The following COL25A1 variants were observed in gnomAD, a reference collection of about 807,000 sequenced individuals.
COL25A1 encodes the protein collagen type XXV alpha 1 chain, also known as collagen alpha-1(XXV) chain.
In COL25A1, 103 loss-of-function variants were observed where a neutral mutation model predicts 128.4. That is an observed-to-expected ratio of 0.80 (90% CI 0.68 to 0.94). COL25A1 has a LOEUF of 0.94. Among genes scored for constraint, COL25A1 ranks in the 40% least tolerant of loss-of-function variants. The probability of loss-of-function intolerance (pLI) is 0.00; values close to 1 mark genes in which losing one functional copy is unlikely to be tolerated. For missense variants in COL25A1, 745 were observed against 840.0 expected (o/e 0.89, Z 1.40); for synonymous variants, 279 against 277.2 (o/e 1.01, Z -0.06).
At chr4:109,032,186 T>C (rs990702190) in intron 5 of COL25A1, among the ~76,000 whole-genome samples, 1 of 152,044 alleles carries the variant, frequency 6.6e-6, no homozygotes. Context: ...CACTAGTAAA[T>C]GGAAATACTG....
intron 37 of COL25A1, among the ~76,000 whole-genome samples, chr4:108,816,435 G>A (rs114096894): frequency 6.6e-6 from 1 of 152,144 alleles, no homozygotes; most frequent in Non-Finnish European, 1.5e-5. Context: ...ATTTCAAAAT[G>A]ATTGAAGCAT....
At chr4:109,181,142 A>G (rs1774592474) in intron 3 of COL25A1, among the ~76,000 whole-genome samples, 1 of 152,098 alleles carries the variant, frequency 6.6e-6, no homozygotes, top group Non-Finnish European at 1.5e-5. Flanking sequence ...CAAGCCCACC[A>G]AGTTTCTGAT....
Position 108,945,991 on chromosome 4 carries a change from C to A in COL25A1, c.493-4554G>T, listed in dbSNP as rs1259220776. Among the ~76,000 whole-genome samples, 3 of 152,222 alleles carry A rather than the reference C, an allele frequency of 2.0e-5. 1 individual carries two copies. The South Asian group carries it at 6.2e-4, about 32-fold the overall frequency. On this transcript the variant is annotated intron_variant, in intron 8 of 37. Coordinates refer to ENST00000399132, the MANE Select transcript of COL25A1 (RefSeq NM_198721.4). ...GAAATAATTTGTACATATTTTCACA[C>A]CCAAATACTTTGAATTCTTAAGAAA...
intron 5 of COL25A1, among the ~76,000 whole-genome samples, chr4:109,027,974 C>T: frequency 6.6e-6 from 1 of 152,076 alleles, no homozygotes; most frequent in East Asian, 1.9e-4. Flanking sequence ...TCTGAGAGTT[C>T]AGACTGGAGA....
At chr4:108,920,837 T>C (rs956496388) in intron 11 of COL25A1, among the ~76,000 whole-genome samples, 1 of 152,188 alleles carries the variant, frequency 6.6e-6, no homozygotes, top group African/African-American at 2.4e-5. Context: ...ATTTCTCCTC[T>C]CTATTAAAAA....
At chr4:108,844,599 G>A in intron 29 of COL25A1, 30 bp from the exon 30 acceptor site, 1 of 1,602,774 alleles carries the variant, frequency 6.2e-7, no homozygotes, top group Non-Finnish European at 8.5e-7. Context: ...AAATGTATTT[G>A]GTTACTTCAT....
chr4:109,088,283 T>C (rs1764586926), intron 3 of COL25A1, among the ~76,000 whole-genome samples: 2 of 152,146 alleles, frequency 1.3e-5, no homozygotes, highest in African/African-American at 4.8e-5. Flanking sequence ...AGAGTAATTA[T>C]GTCTCCACAG....
intron 3 of COL25A1, among the ~76,000 whole-genome samples, chr4:109,226,278 T>C (rs1213030300): frequency 2.0e-5 from 3 of 152,096 alleles, no homozygotes; most frequent in Non-Finnish European, 4.4e-5. Context: ...ATGAGTACAA[T>C]GTACCCTGGG....
At chr4:108,913,292 G>GTTTTT (rs1744476427) in intron 13 of COL25A1, among the ~76,000 whole-genome samples, 1 of 54,142 alleles carries the variant, frequency 1.8e-5, no homozygotes, top group Non-Finnish European at 4.7e-5. Context: ...TTAAGACGGA[G>GTTTTT]TTTTGCTCTT....
intron 3 of COL25A1, among the ~76,000 whole-genome samples, chr4:109,194,841 G>C (rs953090621): frequency 6.6e-5 from 10 of 152,144 alleles, no homozygotes; most frequent in Non-Finnish European, 1.5e-4. Context: ...ATTGATCCAT[G>C]TGACATGCTT....
chr4:109,025,084 A>AAT (rs1758128954), intron 5 of COL25A1, among the ~76,000 whole-genome samples: 1 of 152,212 alleles, frequency 6.6e-6, no homozygotes, highest in Non-Finnish European at 1.5e-5. Flanking sequence ...GAGTTGTATA[A>AAT]ATAACTTACA....
intron 11 of COL25A1, among the ~76,000 whole-genome samples, chr4:108,930,909 G>A (rs1192030697): frequency 6.6e-6 from 1 of 152,148 alleles, no homozygotes; most frequent in Non-Finnish European, 1.5e-5. Context: ...GTCTGCAAAT[G>A]TAAAGCACAA....
intron 3 of COL25A1, among the ~76,000 whole-genome samples, chr4:109,055,490 C>T (rs568598574): frequency 3.3e-5 from 5 of 152,322 alleles, no homozygotes; most frequent in South Asian, 2.1e-4. Flanking sequence ...GATTCCAAAC[C>T]GAGAGTTCTG....
At chr4:108,869,612 A>T (rs774866465) in intron 19 of COL25A1, among the ~76,000 whole-genome samples, 6 of 152,210 alleles carry the variant, frequency 3.9e-5, no homozygotes, top group Non-Finnish European at 7.3e-5. Context: ...AGAGAATCAG[A>T]GAGGTAGAGA....
At chr4:108,984,401 C>T (rs1753410693) in intron 6 of COL25A1, among the ~76,000 whole-genome samples, 1 of 152,216 alleles carries the variant, frequency 6.6e-6, no homozygotes, top group African/African-American at 2.4e-5. Context: ...CACTCCTCAG[C>T]CCTTGGGTGG....
chr4:108,967,151 C>T (rs565843111), intron 8 of COL25A1, among the ~76,000 whole-genome samples: 1 of 151,946 alleles, frequency 6.6e-6, no homozygotes, highest in Non-Finnish European at 1.5e-5. Context: ...GTTTCCTCAT[C>T]CATTAAATGA....
At chr4:109,026,753 G>C (rs1045189030) in intron 5 of COL25A1, among the ~76,000 whole-genome samples, 1 of 152,200 alleles carries the variant, frequency 6.6e-6, no homozygotes, top group Non-Finnish European at 1.5e-5. Flanking sequence ...GGAGGTACTT[G>C]AAAATGTTTA....
chr4:109,089,956 A>T (rs1188957204), intron 3 of COL25A1, among the ~76,000 whole-genome samples: 1 of 152,004 alleles, frequency 6.6e-6, no homozygotes, highest in African/African-American at 2.4e-5. Context: ...TCAAAAATTC[A>T]ATTAAAGTGA....
At chr4:108,956,251 C>T (rs1259640534) in intron 8 of COL25A1, among the ~76,000 whole-genome samples, 2 of 152,044 alleles carry the variant, frequency 1.3e-5, no homozygotes, top group Non-Finnish European at 2.9e-5. Flanking sequence ...GCCGAGGTTT[C>T]TTATATTATC....
Sources: gnomAD v4.1 joint callset for allele counts (sites outside exome capture counted in the v4.1 genomes callset) on GRCh38, gnomAD v4.1.1 for gene constraint, MANE v1.5 for transcripts, NCBI Gene and HGNC (gene_info 2026-07-23, HGNC 2026-07-21) for gene names.